Variants in CHD8 observed in about 807,000 individuals in gnomAD.
The protein encoded by CHD8 is ATP-dependent chromatin remodeler CHD8.
CHD8 carries 31 observed loss-of-function variants against 279.2 expected under a neutral mutation model. That is an observed-to-expected ratio of 0.11 (90% CI 0.08 to 0.15). The LOEUF is 0.15. CHD8 is among the 10% of genes least tolerant of loss of function. The pLI is 1.00. For missense variants in CHD8, 2,146 were observed against 3,230.5 expected (o/e 0.66, Z 8.14); for synonymous variants, 1,081 against 1,139.6 (o/e 0.95, Z 1.04).
chr14:21,386,996 A>G (rs1887277768), intron 37 of CHD8, among the ~76,000 whole-genome samples: 1 of 152,234 alleles, frequency 6.6e-6, no homozygotes, highest in Admixed American at 6.5e-5. Flanking sequence ...AGAACACCAA[A>G]AAACTGTCAG....
chr14:21,395,913 A>C (rs1440944686), intron 27 of CHD8, 21 bp from the exon 28 acceptor site: 5 of 1,534,298 alleles, frequency 3.3e-6, no homozygotes, highest in Non-Finnish European at 4.5e-6. Flanking sequence ...GGAGAGGCAC[A>C]AGAAAATGTT....
intron 1 of CHD8, among the ~76,000 whole-genome samples, chr14:21,432,254 TA>T (rs1029442653): frequency 1.3e-5 from 2 of 152,228 alleles, no homozygotes; most frequent in African/African-American, 4.8e-5. Flanking sequence ...ACTCTATAGA[TA>T]AAGGTTTCTG....
In CHD8 at chr14:21,402,907, A is replaced by G; in HGVS notation, c.3714+110T>C. ...TTCCCTGACCTAACTGCCACCCTTA[A>G]CTAAGGAAACAATTCCAAACTCTGT... is the stretch of plus-strand genomic sequence containing the variant. On this transcript the variant is annotated intron_variant, in intron 18 of 37. Coordinates refer to ENST00000646647, the MANE Select transcript of CHD8 (RefSeq NM_001170629.2). The surrounding 1 kb of genome is among the most constrained non-coding windows in gnomAD (Gnocchi z 4.5). The G allele has an allele frequency of 1.1e-6, 1 of 909,656 alleles. No individual in the cohort carries two copies. The highest frequency in any genetic ancestry group is 2.8e-5 in the Admixed American group (1 of 35,472). The allele number at this position is 909,656 out of a possible 1,614,324, so 56.3% of individuals were successfully genotyped here. A position where few individuals can be genotyped will look rare whatever the true frequency, so the allele number is the denominator to read the frequency against.
At chr14:21,447,855 C>A (rs879196136) in intron 1 of CHD8, among the ~76,000 whole-genome samples, 6 of 152,000 alleles carry the variant, frequency 3.9e-5, no homozygotes, top group Admixed American at 3.9e-4. Context: ...TGGACTGGAT[C>A]TGGAGAAGTT....
At position 21,394,102 on chromosome 14, in the gene CHD8, T is replaced by A. The variant is rs1398787348; in HGVS notation, c.5693A>T (p.Glu1898Val). 1.9e-6 allele frequency: 3 copies of A among 1,613,822 alleles called. No homozygotes were observed. Among genetic ancestry groups the A allele is most frequent in the Non-Finnish European group, 2.5e-6 (3 of 1,179,812 alleles). Residue 1898 changes from glutamate (E) to valine (V), a missense_variant, in exon 32 of 38, where the codon GAA (glutamate) becomes GTA (valine). Transcript: ENST00000646647. Reference protein sequence around the residue: ...YRIELLRRLREQVLCHPLLED... With the variant: ...YRIELLRRLRVQVLCHPLLED... ...CAAAAGGGGGTGGCATAAAACTTGTTCCCGTAAGCGCCGAAGCAATTCTAT... is the reference window on the plus strand; with the variant it reads ...CAAAAGGGGGTGGCATAAAACTTGTACCCGTAAGCGCCGAAGCAATTCTAT...
chr14:21,445,688 CAAAAAAAAAAAA>C (rs747923350), intron 1 of CHD8, among the ~76,000 whole-genome samples: 13 of 17,262 alleles, frequency 7.5e-4, no homozygotes, highest in East Asian at 2.2e-3. Flanking sequence ...GATTCGGTCT[CAAAAAAAAAAAA>C]AAAAAAAAAA....
rs975366645 is a variant in CHD8 at position 21,417,830 on chromosome 14, G to A, written c.1717-1923C>T. Among the ~76,000 whole-genome samples the A allele has an allele frequency of 4.9e-5, 7 of 141,960 alleles. No homozygotes were observed. The East Asian group carries it at 1.4e-3, about 29-fold the overall frequency. The allele number at this position is 141,960 out of a possible 152,430, so 93.1% of individuals were successfully genotyped here. A position where few individuals can be genotyped will look rare whatever the true frequency, so the allele number is the denominator to read the frequency against. ...GATCGCGCCACTGCACTCCAGCCTG[G>A]GAGACACAGTGAGACTCTCTCAAAA... is the stretch of plus-strand genomic sequence containing the variant. On this transcript the variant is annotated intron_variant, in intron 5 of 37. Transcript: ENST00000646647.
intron 37 of CHD8, among the ~76,000 whole-genome samples, chr14:21,390,127 T>C (rs1017001577): frequency 2.0e-5 from 3 of 151,968 alleles, no homozygotes; most frequent in African/African-American, 7.3e-5. Context: ...TCCCAGCTAC[T>C]TGAGAGGCTG....
intron 27 of CHD8, chr14:21,397,396 T>A: frequency 1.9e-6 from 1 of 516,924 alleles, no homozygotes; most frequent in Non-Finnish European, 3.9e-6. Flanking sequence ...CAACTCATCA[T>A]TGGGACATGT....
chr14:21,454,836 GTTGACTAGAAT>G (rs549328776), intron 1 of CHD8: 92 of 152,254 alleles, frequency 6.0e-4, no homozygotes, highest in African/African-American at 2.1e-3. Context: ...GCTCTATGAG[GTTGACTAGAAT>G]TTGTTCTGAA....
chr14:21,453,962 T>C (rs1398819041), intron 1 of CHD8, among the ~76,000 whole-genome samples: 1 of 151,194 alleles, frequency 6.6e-6, no homozygotes, highest in Non-Finnish European at 1.5e-5. Context: ...AAGACCAGCC[T>C]AGCCAATATG....
intron 1 of CHD8, among the ~76,000 whole-genome samples, chr14:21,453,381 T>C (rs1295207709): frequency 6.6e-6 from 1 of 151,600 alleles, no homozygotes; most frequent in East Asian, 1.9e-4. Flanking sequence ...AAAAGGAAAG[T>C]GAGCAAAATC....
In CHD8 at chr14:21,405,137, C is replaced by G; in HGVS notation, c.3307+72G>C. On this transcript the variant is annotated intron_variant, in intron 16 of 37. Transcript: ENST00000646647. The surrounding 1 kb of genome is among the most constrained non-coding windows in gnomAD (Gnocchi z 4.2). ...TGGTTGAGTCAATGCATCCATTGTCCCCAAGGAGAATCATCCGGAAAGTAA... is the reference window on the plus strand; with the variant it reads ...TGGTTGAGTCAATGCATCCATTGTCGCCAAGGAGAATCATCCGGAAAGTAA... 5 of 1,501,988 alleles carry G rather than the reference C, an allele frequency of 3.3e-6. No homozygotes were observed. The highest frequency in any genetic ancestry group is 4.6e-6 in the Non-Finnish European group (5 of 1,093,890). The allele number at this position is 1,501,988 out of a possible 1,614,324, so 93.0% of individuals were successfully genotyped here.
chr14:21,437,343 G>C, intron 1 of CHD8: 1 of 907,294 alleles, frequency 1.1e-6, no homozygotes, highest in Non-Finnish European at 1.4e-6. Flanking sequence ...GCGAAAAGAC[G>C]CAAAACAGCG....
In CHD8 at chr14:21,405,862, T is replaced by C; in HGVS notation, c.2910A>G (p.Glu970=). ...LLDSLKHMDL[E]HKVLLTGTPL... is the part of the protein sequence containing the mutation. ...GTGTTCCTGTGAGTAGCACCTTGTGTTCCTAGAAATGGAGGAAACAAAAGA... is the reference window on the plus strand; with the variant it reads ...GTGTTCCTGTGAGTAGCACCTTGTGCTCCTAGAAATGGAGGAAACAAAAGA... Residue 970 remains glutamate (E), a splice_region_variant and synonymous_variant, in exon 15 of 38, where the codon GAA becomes GAG. Coordinates refer to ENST00000646647, the MANE Select transcript of CHD8 (RefSeq NM_001170629.2). This position sits in a 1 kb window ranked among gnomAD's most constrained non-coding sequence, Gnocchi z 4.2. 6.2e-7 allele frequency: 1 copy of C among 1,605,918 alleles called. No individual in the cohort carries two copies.
intron 2 of CHD8, chr14:21,430,251 G>GC (rs1423788684): frequency 6.4e-6 from 1 of 155,534 alleles, no homozygotes; most frequent in African/African-American, 2.4e-5. Context: ...TCAATGCTGC[G>GC]CCCCCACCCC....
intron 2 of CHD8, 67 bp from the exon 3 acceptor site, chr14:21,429,402 C>T (rs1889467118): frequency 6.7e-7 from 1 of 1,494,856 alleles, no homozygotes; most frequent in Admixed American, 1.7e-5. Flanking sequence ...AATATTTACA[C>T]CAGTTTTCTT....
At chr14:21,452,422 C>T (rs919366059) in intron 1 of CHD8, among the ~76,000 whole-genome samples, 1 of 152,052 alleles carries the variant, frequency 6.6e-6, no homozygotes, top group African/African-American at 2.4e-5. Context: ...GCAGGCAGAT[C>T]AGCCTGAGGT....
chr14:21,396,378 C>T (rs1215265419), intron 27 of CHD8, among the ~76,000 whole-genome samples: 1 of 152,006 alleles, frequency 6.6e-6, no homozygotes, highest in East Asian at 1.9e-4. Flanking sequence ...ATGATCTCAG[C>T]TCACTGCAAC....
Sources: allele counts gnomAD v4.1 joint callset (sites outside exome capture counted in the v4.1 genomes callset), GRCh38; gene constraint gnomAD v4.1.1; non-coding constraint Gnocchi (gnomAD v3.1); transcripts MANE v1.5; gene names NCBI Gene and HGNC (gene_info 2026-07-23, HGNC 2026-07-21).